CLEC2A: variants seen among roughly 807,000 people sequenced by gnomAD.
CLEC2A encodes C-type lectin domain family 2 member A.
A neutral mutation model predicts 18.6 loss-of-function variants in CLEC2A; 19 were observed. The observed-to-expected ratio is 1.02, with a 90% CI of 0.71 to 1.50. CLEC2A has a LOEUF of 1.50. CLEC2A is among the 40% of genes most tolerant of loss of function. The pLI is 0.00. For missense variants in CLEC2A, 190 were observed against 207.9 expected (o/e 0.91, Z 0.53); for synonymous variants, 74 against 64.0 (o/e 1.16, Z -0.75).
the CLEC2A span, among the ~76,000 whole-genome samples, chr12:9,889,123 T>C: frequency 6.6e-6 from 1 of 152,222 alleles, no homozygotes. Flanking sequence ...GCGAAGAGTG[T>C]GGGCTTGAGA....
chr12:9,898,924 GA>G lies in CLEC2A; in HGVS notation c.462del (p.Leu155CysfsTer13). ...GAGGCCTATCTAAGGGGTCCCAGCA[GA>G]AGAAGCCATTGTCGGAGGCTCCAGT... On this transcript the variant is annotated frameshift_variant, in exon 5 of 5. Transcript: ENST00000339766. LOFTEE classifies it high-confidence loss of function. The G allele has an allele frequency of 1.4e-6, 1 of 716,440 alleles. No homozygotes were observed. Among genetic ancestry groups the G allele is most frequent in the Non-Finnish European group, 2.6e-6 (1 of 384,934 alleles). The allele number at this position is 716,440 out of a possible 1,614,324, so 44.4% of individuals were successfully genotyped here. A position where few individuals can be genotyped will look rare whatever the true frequency, so the allele number is the denominator to read the frequency against.
At chr12:9,884,700 C>A in the CLEC2A span, among the ~76,000 whole-genome samples, 1 of 150,192 alleles carries the variant, frequency 6.7e-6, no homozygotes, top group Non-Finnish European at 1.5e-5. Context: ...TTTTTAGGTC[C>A]TCAAAAACAC....
At chr12:9,911,079 T>G (rs994448619), downstream of CLEC2A, among the ~76,000 whole-genome samples, 21 of 152,278 alleles carry the variant, frequency 1.4e-4, no homozygotes, top group African/African-American at 4.8e-4. Flanking sequence ...CCTGCTTCTG[T>G]GTAGTTCCCC....
chr12:9,892,580 CTTTT>C, the CLEC2A span, among the ~76,000 whole-genome samples: 3 of 104,832 alleles, frequency 2.9e-5, no homozygotes, highest in African/African-American at 3.8e-5. Flanking sequence ...TACAGAACTG[CTTTT>C]TTTTTTTTTT....
the CLEC2A span, among the ~76,000 whole-genome samples, chr12:9,881,233 TTTA>T: frequency 0.025 from 3,807 of 152,320 alleles, 161 homozygotes; most frequent in African/African-American, 0.086. Flanking sequence ...TTTGTTTTAT[TTTA>T]TTTTTTCTCT....
chr12:9,886,437 C>T, the CLEC2A span, among the ~76,000 whole-genome samples: 1 of 152,068 alleles, frequency 6.6e-6, no homozygotes, highest in Non-Finnish European at 1.5e-5. Context: ...TAGCATAATG[C>T]TATTGGATAA....
rs1266296566 is a variant in CLEC2A, at chr12:9,922,209, G to C, written c.163C>G (p.Pro55Ala). The change falls in exon 3 of 5, where the codon CCT (proline) becomes GCT (alanine). Residue 55 changes from proline (P) to alanine (A), a missense_variant. Physicochemically the swap from Pro to Ala is conservative, Grantham distance 27. Coordinates refer to ENST00000455827, the MANE Select transcript of CLEC2A (RefSeq NM_001130711.2). ...AGCCAGTCCCCTGAACATGCCACAG[G>C]TTTAGCATGCTTGGACCATGTGGCT... ...MIATWSKHAK[P>A]VACSGDWLGV... 1 of 1,547,720 alleles carries C rather than the reference G, an allele frequency of 6.5e-7. No individual in the cohort carries two copies.
intron 3 of CLEC2A, among the ~76,000 whole-genome samples, chr12:9,921,128 T>C (rs1307198923): frequency 2.6e-5 from 4 of 152,212 alleles, no homozygotes; most frequent in South Asian, 4.1e-4. Flanking sequence ...GGGAGAGTTA[T>C]ATAACTCCTT....
intron 2 of CLEC2A, among the ~76,000 whole-genome samples, chr12:9,922,547 A>AG (rs1863191714): frequency 6.6e-6 from 1 of 152,226 alleles, no homozygotes. Context: ...ATCAAGGTAG[A>AG]GTGCTGGAGA....
At chr12:9,901,182 C>T (rs918143916) in intron 4 of CLEC2A, among the ~76,000 whole-genome samples, 11 of 152,196 alleles carry the variant, frequency 7.2e-5, no homozygotes, top group African/African-American at 1.9e-4. Context: ...GCTTGACATT[C>T]GTGAACATTT....
intron 1 of CLEC2A, among the ~76,000 whole-genome samples, chr12:9,930,534 T>G (rs1026303255): frequency 2.6e-5 from 4 of 152,104 alleles, no homozygotes; most frequent in African/African-American, 7.2e-5. Context: ...TCCCTCTCAT[T>G]TCTTCTCTTT....
At chr12:9,886,057 G>A in the CLEC2A span, among the ~76,000 whole-genome samples, 7,151 of 151,720 alleles carry the variant, frequency 0.047, 376 homozygotes, top group East Asian at 0.27. Flanking sequence ...AAATATAAAT[G>A]GTAAAATGAC....
chr12:9,910,073 T>C (rs987478881), downstream of CLEC2A, among the ~76,000 whole-genome samples: 8 of 152,180 alleles, frequency 5.3e-5, no homozygotes, highest in South Asian at 4.1e-4. Context: ...GCTTTTGTCA[T>C]TAATATGTTC....
At chr12:9,929,962 A>C (rs1449592114) in intron 1 of CLEC2A, among the ~76,000 whole-genome samples, 1 of 151,708 alleles carries the variant, frequency 6.6e-6, no homozygotes, top group Non-Finnish European at 1.5e-5. Context: ...TCTTTTTTTA[A>C]TATTTATAAG....
chr12:9,903,762 G>C (rs569614560), intron 4 of CLEC2A, among the ~76,000 whole-genome samples: 10 of 152,186 alleles, frequency 6.6e-5, no homozygotes, highest in African/African-American at 2.4e-4. Flanking sequence ...TTTATTTATA[G>C]TTAACCACCA....
At chr12:9,912,850 C>A (rs955850011), downstream of CLEC2A, among the ~76,000 whole-genome samples, 5 of 152,194 alleles carry the variant, frequency 3.3e-5, no homozygotes, top group African/African-American at 7.2e-5. Flanking sequence ...CACTGCTTCC[C>A]ACCTGCCTGT....
At chr12:9,926,395 G>A (rs772803571) in intron 1 of CLEC2A, 52 bp from the exon 2 acceptor site, 21 of 1,098,126 alleles carry the variant, frequency 1.9e-5, no homozygotes, top group South Asian at 5.4e-5. Flanking sequence ...ACACTGACTC[G>A]ATATTATTAC....
chr12:9,911,210 G>C (rs548925433), downstream of CLEC2A, among the ~76,000 whole-genome samples: 6 of 152,280 alleles, frequency 3.9e-5, no homozygotes, highest in East Asian at 1.2e-3. Flanking sequence ...GCCACCTGTG[G>C]AGAATAAGGC....
intron 4 of CLEC2A, among the ~76,000 whole-genome samples, 154 bp downstream of exon 4, chr12:9,916,546 A>G (rs1863073616): frequency 6.6e-6 from 1 of 152,224 alleles, no homozygotes; most frequent in South Asian, 2.1e-4. Context: ...ATATGCTTCA[A>G]TGTGAAAGGG....
Sources: gnomAD v4.1 joint callset for allele counts (sites outside exome capture counted in the v4.1 genomes callset) on GRCh38, gnomAD v4.1.1 for gene constraint, MANE v1.5 for transcripts, NCBI Gene and HGNC (gene_info 2026-07-23, HGNC 2026-07-21) for gene names.